The following UNC80 variants were observed in gnomAD, a reference collection of about 807,000 sequenced individuals.
UNC80 encodes unc-80 subunit of NALCN channel complex.
UNC80 carries 164 observed loss-of-function variants against 384.6 expected under a neutral mutation model. That is an observed-to-expected ratio of 0.43 (90% confidence interval 0.38 to 0.49). The LOEUF (loss-of-function observed/expected upper bound fraction) is 0.49. Among genes scored for constraint, UNC80 ranks in the 20% least tolerant of loss-of-function variants. The pLI, the probability that UNC80 is intolerant of heterozygous loss-of-function variation, is 0.00. For missense variants in UNC80, 3,330 were observed against 4,143.0 expected (o/e 0.80, Z 5.39); for synonymous variants, 1,486 against 1,527.8 (o/e 0.97, Z 0.64).
In UNC80 at chr2:209,995,655, A is replaced by T; in HGVS notation, c.*60A>T. ...GACATGAAAGTGATCTCTCTACTAC[A>T]AGTTCAATACTTTTGCTTGAAAAAG... On this transcript the variant is annotated 3_prime_UTR_variant, in exon 65 of 65. Transcript: ENST00000673920. The T allele has an allele frequency of 6.6e-7, 1 of 1,506,650 alleles. No individual in the cohort carries two copies. Among genetic ancestry groups the T allele is most frequent in the Non-Finnish European group, 8.9e-7 (1 of 1,120,816 alleles). The allele number at this position is 1,506,650 out of a possible 1,614,324, so 93.3% of individuals were successfully genotyped here.
chr2:209,910,239 G>A (rs1023042979), intron 29 of UNC80, among the ~76,000 whole-genome samples: 1 of 149,632 alleles, frequency 6.7e-6, no homozygotes, highest in African/African-American at 2.5e-5. Context: ...ACCACTAGGT[G>A]CATCTTGTAG....
At chr2:209,972,680 A>C (rs1310259056) in intron 55 of UNC80, among the ~76,000 whole-genome samples, 1 of 152,258 alleles carries the variant, frequency 6.6e-6, no homozygotes, top group African/African-American at 2.4e-5. Context: ...TGGGTTTAGC[A>C]GAAATCCTGC....
intron 26 of UNC80, among the ~76,000 whole-genome samples, chr2:209,892,355 T>C (rs1432336871): frequency 6.6e-6 from 1 of 152,180 alleles, no homozygotes; most frequent in East Asian, 1.9e-4. Flanking sequence ...TACTAGTTCT[T>C]GTTGTCATGG....
intron 40 of UNC80, among the ~76,000 whole-genome samples, 190 bp from the exon 41 acceptor site, chr2:209,936,654 G>GTGT (rs1465356108): frequency 1.3e-5 from 2 of 151,754 alleles, no homozygotes; most frequent in Non-Finnish European, 2.9e-5. Context: ...ATATATGTGT[G>GTGT]TGTGTATGTG....
chr2:209,827,073 G>T (rs1020050060), intron 14 of UNC80, among the ~76,000 whole-genome samples: 1 of 151,704 alleles, frequency 6.6e-6, no homozygotes, highest in African/African-American at 2.4e-5. Flanking sequence ...TTTATATGGG[G>T]GTTATATTTG....
At chr2:209,896,045 A>G (rs1432071219) in intron 27 of UNC80, among the ~76,000 whole-genome samples, 1 of 150,972 alleles carries the variant, frequency 6.6e-6, no homozygotes, top group African/African-American at 2.4e-5. Context: ...CAAGGACTTG[A>G]CTCTGTTTTT....
At position 209,941,357 on chromosome 2, in the gene UNC80, G is replaced by A. The variant is rs746042765; in HGVS notation, c.6783G>A (p.Gly2261=). Residue 2261 remains glycine (G), a synonymous_variant, in exon 44 of 65, where the codon GGG becomes GGA. Coordinates refer to ENST00000673920, the MANE Select transcript of UNC80 (RefSeq NM_001371986.1). The stretch of plus-strand genomic sequence containing the variant: ...TGCTTTTCCTCAACGTTTTTAACGG[G>A]GCTCTGATCCTCCACCCGGAAGACA... ...EIMLFLNVFN[G]ALILHPEDSA... 4.3e-5 allele frequency: 67 copies of A among 1,551,002 alleles called. 1 individual carries two copies. The Middle Eastern group carries it at 5.0e-4, about 12-fold the overall frequency.
chr2:209,915,970 C>T (rs551782766), intron 31 of UNC80, among the ~76,000 whole-genome samples: 1 of 152,212 alleles, frequency 6.6e-6, no homozygotes, highest in African/African-American at 2.4e-5. Flanking sequence ...ATTCATATAA[C>T]AAAATACCAC....
chr2:209,967,750 T>C (rs983044649), intron 52 of UNC80, 113 bp downstream of exon 52: 1 of 1,029,610 alleles, frequency 9.7e-7, no homozygotes, highest in African/African-American at 1.6e-5. Context: ...AAAGTTTTCT[T>C]TGGTATATGT....
chr2:209,984,324 G>A (rs577215035), intron 60 of UNC80, among the ~76,000 whole-genome samples: 1 of 152,256 alleles, frequency 6.6e-6, no homozygotes, highest in East Asian at 1.9e-4. Context: ...TGCAAAATTA[G>A]CAGGGAAAGT....
At chr2:209,805,683 C>A (rs1378668627) in intron 7 of UNC80, among the ~76,000 whole-genome samples, 1 of 152,194 alleles carries the variant, frequency 6.6e-6, no homozygotes, top group Non-Finnish European at 1.5e-5. Context: ...AAGGGAGCAT[C>A]AAAAATGGAT....
At chr2:209,946,241 C>T (rs963777538) in intron 47 of UNC80, among the ~76,000 whole-genome samples, 3 of 151,914 alleles carry the variant, frequency 2.0e-5, no homozygotes, top group African/African-American at 7.2e-5. Context: ...TGGTGTTGCA[C>T]ACCTGTAGTC....
intron 51 of UNC80, among the ~76,000 whole-genome samples, chr2:209,962,970 T>G (rs766008814): frequency 6.6e-6 from 1 of 152,160 alleles, no homozygotes; most frequent in Admixed American, 6.5e-5. Flanking sequence ...GAAAGAGAAA[T>G]GGGATGATAT....
Position 209,933,820 on chromosome 2 carries a change from A to G in UNC80, c.5995-2A>G, listed in dbSNP as rs755756538. 23 of 1,549,218 alleles carry G rather than the reference A, an allele frequency of 1.5e-5. No individual in the cohort carries two copies. The highest frequency in any genetic ancestry group is 2.0e-5 in the Non-Finnish European group (23 of 1,145,758). On this transcript the variant is annotated splice_acceptor_variant, in intron 38 of 64. Coordinates refer to ENST00000673920, the MANE Select transcript of UNC80 (RefSeq NM_001371986.1). LOFTEE classifies it high-confidence loss of function. ...GTGAACTCTTCTTATACTGACTTCT[A>G]GGTAGGATTAATCATGTACTTTGTG...
intron 43 of UNC80, 128 bp from the exon 44 acceptor site, chr2:209,941,093 A>T: frequency 8.2e-7 from 1 of 1,213,418 alleles, no homozygotes. Flanking sequence ...AAAACATTTC[A>T]GCAGTAGATC....
Position 209,918,527 on chromosome 2 carries a change from A to G in UNC80, c.5212-5A>G, listed in dbSNP as rs762239313. ...TCACCTAATTTTTCTGATGTCAACT[A>G]ACAGATTCCGCCTCCCAGTATCAAT... On this transcript the variant is annotated splice_region_variant and splice_polypyrimidine_tract_variant and intron_variant, in intron 32 of 64. Transcript: ENST00000673920. 46 of 1,551,630 alleles carry G rather than the reference A, an allele frequency of 3.0e-5. 1 individual carries two copies. The South Asian group carries it at 5.4e-4, about 18-fold the overall frequency.
At chr2:209,991,604 T>C (rs2093392681) in intron 61 of UNC80, among the ~76,000 whole-genome samples, 1 of 152,202 alleles carries the variant, frequency 6.6e-6, no homozygotes, top group African/African-American at 2.4e-5. Context: ...TCTAAAACCA[T>C]TTTTAAAAAA....
intron 7 of UNC80, among the ~76,000 whole-genome samples, chr2:209,806,824 T>C (rs2078931193): frequency 6.6e-6 from 1 of 152,226 alleles, no homozygotes; most frequent in South Asian, 2.1e-4. Context: ...CATCTTTAAT[T>C]ACTATATGCA....
rs1270255258 is a variant in UNC80, at chr2:209,771,978, G to A, written c.-95G>A. Reference sequence around the variant, plus strand: ...AGCCGGCTCTGCCTCGGGGAAGGAGGGGATGAGAGTTGGGAGCAGCGGGAG... The same window carrying A: ...AGCCGGCTCTGCCTCGGGGAAGGAGAGGATGAGAGTTGGGAGCAGCGGGAG... On this transcript the variant is annotated 5_prime_UTR_variant, in exon 1 of 65. Coordinates refer to ENST00000673920, the MANE Select transcript of UNC80 (RefSeq NM_001371986.1). 2.3e-6 allele frequency: 2 copies of A among 872,972 alleles called. No individual in the cohort carries two copies. The highest frequency in any genetic ancestry group is 2.8e-5 in the South Asian group (2 of 70,542). The allele number at this position is 872,972 out of a possible 1,614,324, so 54.1% of individuals were successfully genotyped here.
Sources: allele counts gnomAD v4.1 joint callset (sites outside exome capture counted in the v4.1 genomes callset), GRCh38; gene constraint gnomAD v4.1.1; transcripts MANE v1.5; gene names NCBI Gene and HGNC (gene_info 2026-07-23, HGNC 2026-07-21).